Variants in SEL1L3 observed in about 807,000 individuals in gnomAD.
SEL1L3 encodes the protein SEL1L family member 3, also known as protein sel-1 homolog 3.
A neutral mutation model predicts 142.8 loss-of-function variants in SEL1L3; 76 were observed. The ratio of observed to expected loss-of-function variants is 0.53; its 90% CI spans 0.44 to 0.64. The LOEUF is 0.64. Among genes scored for constraint, SEL1L3 ranks in the 30% least tolerant of loss-of-function variants. The pLI is 0.00. For missense variants in SEL1L3, 1,262 were observed against 1,381.7 expected (o/e 0.91, Z 1.37); for synonymous variants, 504 against 519.6 (o/e 0.97, Z 0.41).
chr4:25,737,896 T>TG, the SEL1L3 span, among the ~76,000 whole-genome samples: 64 of 151,968 alleles, frequency 4.2e-4, no homozygotes, highest in Non-Finnish European at 6.3e-4. Flanking sequence ...TTGCCTTTTT[T>TG]TTTGTTTGTT....
chr4:25,767,913 G>A, intron 17 of SEL1L3, 83 bp from the exon 18 acceptor site: 45 of 814,684 alleles, frequency 5.5e-5, no homozygotes, highest in South Asian at 1.3e-4. Flanking sequence ...AACATAAGAG[G>A]GCACAAAATA....
chr4:25,734,448 AATTAT>A, the SEL1L3 span, among the ~76,000 whole-genome samples: 1 of 152,208 alleles, frequency 6.6e-6, no homozygotes, highest in Non-Finnish European at 1.5e-5. Context: ...TAATACAATT[AATTAT>A]ATCGATTGGT....
At chr4:25,750,815 A>G (rs974979374) in intron 23 of SEL1L3, among the ~76,000 whole-genome samples, 5 of 152,236 alleles carry the variant, frequency 3.3e-5, no homozygotes, top group Admixed American at 6.5e-5. Context: ...AATCTTATAC[A>G]TATCACCATA....
At chr4:25,840,571 A>T (rs1271518167) in intron 2 of SEL1L3, among the ~76,000 whole-genome samples, 1 of 152,220 alleles carries the variant, frequency 6.6e-6, no homozygotes, top group Non-Finnish European at 1.5e-5. Context: ...GTTGCCCCAG[A>T]GTTTCTTATT....
chr4:25,818,096 C>T (rs751848271), intron 9 of SEL1L3, 42 bp downstream of exon 9: 4 of 1,589,012 alleles, frequency 2.5e-6, no homozygotes, highest in Non-Finnish European at 3.4e-6. Flanking sequence ...AACAAGGAGC[C>T]TTTCTAACCA....
intron 2 of SEL1L3, among the ~76,000 whole-genome samples, chr4:25,835,766 A>G (rs913825972): frequency 1.9e-4 from 29 of 152,376 alleles, no homozygotes; most frequent in African/African-American, 7.0e-4. Context: ...TAAATGTGCT[A>G]CATAAATTTG....
the SEL1L3 span, among the ~76,000 whole-genome samples, chr4:25,736,806 A>C: frequency 6.6e-6 from 1 of 152,156 alleles, no homozygotes; most frequent in South Asian, 2.1e-4. Context: ...TTTGCTTTAT[A>C]CATTTGTCAT....
chr4:25,859,790 C>T (rs6817066), intron 1 of SEL1L3, among the ~76,000 whole-genome samples: 1 of 152,212 alleles, frequency 6.6e-6, no homozygotes, highest in Non-Finnish European at 1.5e-5. Flanking sequence ...TCTTCATTAA[C>T]GATGGCAAAT....
At chr4:25,800,736 A>T (rs1007704421) in intron 11 of SEL1L3, among the ~76,000 whole-genome samples, 1 of 152,252 alleles carries the variant, frequency 6.6e-6, no homozygotes, top group Non-Finnish European at 1.5e-5. Context: ...GACAGAAAAT[A>T]CATGTATAAA....
chr4:25,831,921 T>C (rs1293701019), intron 5 of SEL1L3, among the ~76,000 whole-genome samples: 2 of 152,192 alleles, frequency 1.3e-5, no homozygotes, highest in South Asian at 4.1e-4. Flanking sequence ...TTGCATACAG[T>C]AGGTGCAAAA....
intron 1 of SEL1L3, among the ~76,000 whole-genome samples, chr4:25,857,884 TGGA>T (rs1717377944): frequency 6.6e-6 from 1 of 152,216 alleles, no homozygotes; most frequent in Non-Finnish European, 1.5e-5. Flanking sequence ...GCCTTGAGTT[TGGA>T]GGAGACAGAT....
intron 1 of SEL1L3, 82 bp downstream of exon 1, chr4:25,862,593 T>A: frequency 1.5e-6 from 1 of 670,754 alleles, no homozygotes; most frequent in South Asian, 6.4e-5. Flanking sequence ...CCGCCCCGCG[T>A]GGCGGGTGTC....
chr4:25,767,016 G>C (rs1718791065), intron 19 of SEL1L3, among the ~76,000 whole-genome samples: 1 of 152,202 alleles, frequency 6.6e-6, no homozygotes, highest in Non-Finnish European at 1.5e-5. Flanking sequence ...TGGGGGCCAG[G>C]TGCAGTGGCT....
rs184192774 is a variant in SEL1L3, at chr4:25,824,700, G to C, written c.1158-2572C>G. Among the ~76,000 whole-genome samples, 8 of 152,268 alleles carry C rather than the reference G, an allele frequency of 5.3e-5. No homozygotes were observed. In the East Asian group the frequency reaches 1.5e-3, roughly 29 times the overall value. On this transcript the variant is annotated intron_variant, in intron 6 of 23. Coordinates refer to ENST00000399878, the MANE Select transcript of SEL1L3 (RefSeq NM_015187.5). ...TCTCAGCACTTTGGAAGGCCGAGGTGGGGGGATCACTTGAGCCCAAACAGT... is the reference window on the plus strand; with the variant it reads ...TCTCAGCACTTTGGAAGGCCGAGGTCGGGGGATCACTTGAGCCCAAACAGT...
intron 11 of SEL1L3, among the ~76,000 whole-genome samples, chr4:25,792,012 G>A (rs893278037): frequency 1.3e-5 from 2 of 151,992 alleles, no homozygotes; most frequent in African/African-American, 4.8e-5. Flanking sequence ...CGTGAAGCCA[G>A]GGGTCCTTTC....
chr4:25,830,579 C>T (rs1324510931), intron 5 of SEL1L3, among the ~76,000 whole-genome samples: 3 of 152,154 alleles, frequency 2.0e-5, no homozygotes, highest in South Asian at 2.1e-4. Context: ...CACTGCTGTT[C>T]CCACCTCCCT....
chr4:25,749,760 G>A (rs1053570437), intron 23 of SEL1L3, among the ~76,000 whole-genome samples: 1 of 152,168 alleles, frequency 6.6e-6, no homozygotes, highest in East Asian at 1.9e-4. Flanking sequence ...GAAATATCAC[G>A]AACTGGCCCA....
chr4:25,757,500 T>C, intron 23 of SEL1L3, 34 bp downstream of exon 23: 1 of 1,114,310 alleles, frequency 9.0e-7, no homozygotes, highest in Non-Finnish European at 1.2e-6. Context: ...TTTTTTTTTT[T>C]AATATATTGC....
At chr4:25,779,663 G>A (rs1719868732) in intron 15 of SEL1L3, among the ~76,000 whole-genome samples, 1 of 152,182 alleles carries the variant, frequency 6.6e-6, no homozygotes, top group Non-Finnish European at 1.5e-5. Flanking sequence ...GATGTCTTGG[G>A]AGGGTTAGCA....
Sources: gnomAD v4.1 joint callset for allele counts (sites outside exome capture counted in the v4.1 genomes callset) on GRCh38, gnomAD v4.1.1 for gene constraint, MANE v1.5 for transcripts, NCBI Gene and HGNC (gene_info 2026-07-23, HGNC 2026-07-21) for gene names.